The following SP4 variants were observed in gnomAD, a reference collection of about 807,000 sequenced individuals.
SP4 encodes transcription factor Sp4.
SP4 carries 19 observed loss-of-function variants against 72.8 expected under a neutral mutation model. The ratio of observed to expected loss-of-function variants is 0.26; its 90% confidence interval spans 0.18 to 0.38. SP4 has a LOEUF of 0.38. Among genes scored for constraint, SP4 ranks in the 10% least tolerant of loss-of-function variants. The pLI, the probability that SP4 is intolerant of heterozygous loss-of-function variation, is 1.00. For synonymous variants in SP4, 395 were observed against 333.1 expected (o/e 1.19, Z -2.02); for missense variants, 1,008 against 926.3 (o/e 1.09, Z -1.14).
intron 3 of SP4, among the ~76,000 whole-genome samples, chr7:21,432,908 C>T (rs886205247): frequency 5.9e-5 from 9 of 152,128 alleles, no homozygotes; most frequent in Non-Finnish European, 1.0e-4. Context: ...GTAGGAGGAT[C>T]GCTTGTACCC....
At chr7:21,461,453 C>A (rs1016865680) in intron 3 of SP4, among the ~76,000 whole-genome samples, 13 of 152,166 alleles carry the variant, frequency 8.5e-5, no homozygotes, top group Admixed American at 4.6e-4. Flanking sequence ...GGGGACCCGG[C>A]GCATCCTCCG....
chr7:21,481,081 A>G (rs1784671995), intron 4 of SP4, among the ~76,000 whole-genome samples: 1 of 152,124 alleles, frequency 6.6e-6, no homozygotes, highest in Middle Eastern at 3.2e-3. Context: ...GACTTTATGA[A>G]CTATGAATGG....
intron 5 of SP4, among the ~76,000 whole-genome samples, chr7:21,495,952 A>C (rs1013711866): frequency 3.3e-5 from 5 of 152,234 alleles, no homozygotes; most frequent in African/African-American, 9.6e-5. Context: ...AGCCACATGG[A>C]TGAAACTCAG....
chr7:21,490,977 C>T (rs207467720), intron 5 of SP4, among the ~76,000 whole-genome samples: 3 of 152,196 alleles, frequency 2.0e-5, no homozygotes, highest in African/African-American at 7.2e-5. Context: ...CCTAAAGTCT[C>T]TGCAATATAA....
At chr7:21,491,277 G>A (rs141058163) in intron 5 of SP4, among the ~76,000 whole-genome samples, 1,896 of 152,218 alleles carry the variant, frequency 0.012, 47 homozygotes, top group African/African-American at 0.043. Context: ...TTAAAAGTAA[G>A]TTTATCAGAT....
chr7:21,510,862 G>C (rs925085210), intron 5 of SP4, among the ~76,000 whole-genome samples, 160 bp from the exon 6 acceptor site: 1 of 152,132 alleles, frequency 6.6e-6, no homozygotes. Flanking sequence ...CTTTCTCTTT[G>C]CATTGTGTAT....
At chr7:21,445,980 TTATGTG>T (rs59047539) in intron 3 of SP4, among the ~76,000 whole-genome samples, 347 of 124,386 alleles carry the variant, frequency 2.8e-3, no homozygotes, top group African/African-American at 0.01. Flanking sequence ...TTTGTGTATC[TTATGTG>T]TATGTGTGTG....
At chr7:21,466,638 G>T (rs10235984) in intron 3 of SP4, among the ~76,000 whole-genome samples, 21,806 of 152,010 alleles carry the variant, frequency 0.14, 3,348 homozygotes, top group East Asian at 0.62. Flanking sequence ...TTGGCTAATG[G>T]GGTTCACCTT....
At chr7:21,445,982 A>ATGTG (rs1270918244) in intron 3 of SP4, among the ~76,000 whole-genome samples, 6 of 100,928 alleles carry the variant, frequency 5.9e-5, no homozygotes, top group Admixed American at 3.4e-4. Flanking sequence ...TGTGTATCTT[A>ATGTG]TGTGTATGTG....
Position 21,472,818 on chromosome 7 carries a change from CAG to C in SP4, c.1679-4257_1679-4256del, listed in dbSNP as rs1255759702. 4.0e-5 allele frequency among the ~76,000 whole-genome samples: 6 copies of C among 151,200 alleles called. No individual in the cohort carries two copies. In the East Asian group the frequency reaches 5.8e-4, roughly 15 times the overall value. Reference sequence around the variant, plus strand: ...AAGCAACCAAACAAAAAGGAGCTAACAGAGAAGAAGGGGTTTCTGAAATGTAG... The same window carrying C: ...AAGCAACCAAACAAAAAGGAGCTAACAGAAGAAGGGGTTTCTGAAATGTAG... On this transcript the variant is annotated intron_variant, in intron 3 of 5. Transcript: ENST00000222584.
At chr7:21,469,237 G>A (rs1393439960) in intron 3 of SP4, among the ~76,000 whole-genome samples, 9 of 149,954 alleles carry the variant, frequency 6.0e-5, no homozygotes, top group African/African-American at 2.2e-4. Context: ...AAGTAAAAGA[G>A]GATAATACAG....
chr7:21,443,413 G>T (rs2128395469), intron 3 of SP4, among the ~76,000 whole-genome samples: 1 of 152,296 alleles, frequency 6.6e-6, no homozygotes, highest in South Asian at 2.1e-4. Flanking sequence ...GACAGTTGAA[G>T]GTAAGAATCT....
chr7:21,495,198 G>A (rs114378043), intron 5 of SP4, among the ~76,000 whole-genome samples: 1,713 of 152,182 alleles, frequency 0.011, 12 homozygotes, highest in Middle Eastern at 0.017. Context: ...ACACAACTCC[G>A]AAAGTGTAAT....
At chr7:21,445,554 CAG>C (rs1783393471) in intron 3 of SP4, among the ~76,000 whole-genome samples, 1 of 152,112 alleles carries the variant, frequency 6.6e-6, no homozygotes. Context: ...GGAAACAAAA[CAG>C]ACATGTTCTT....
intron 5 of SP4, among the ~76,000 whole-genome samples, chr7:21,496,092 A>C (rs987309878): frequency 3.9e-5 from 6 of 152,174 alleles, no homozygotes; most frequent in Admixed American, 3.3e-4. Context: ...GGGCATAAGC[A>C]AGGAGGAGGG....
At position 21,429,853 on chromosome 7, in the gene SP4, C is replaced by A. The variant is rs753859569; in HGVS notation, c.688C>A (p.Pro230Thr). 6.2e-7 allele frequency: 1 copy of A among 1,614,176 alleles called. No homozygotes were observed. Reference protein sequence around the residue: ...LAQNLANQTVPVQIRPGVSIP... With the variant: ...LAQNLANQTVTVQIRPGVSIP... ...TCAAAACCTGGCAAATCAGACAGTT[C>A]CGGTCCAAATTAGACCTGGTGTTTC... Residue 230 changes from proline to threonine, a missense_variant, in exon 3 of 6, where the codon CCG (proline) becomes ACG (threonine). Pro to Thr is a conservative substitution (Grantham distance 38). Coordinates refer to ENST00000222584, the MANE Select transcript of SP4 (RefSeq NM_003112.5).
intron 3 of SP4, among the ~76,000 whole-genome samples, chr7:21,450,217 T>G (rs1783547470): frequency 6.6e-6 from 1 of 152,162 alleles, no homozygotes; most frequent in South Asian, 2.1e-4. Flanking sequence ...GATTTCTGTT[T>G]TTATGGTAAA....
At chr7:21,466,537 G>T (rs866986944) in intron 3 of SP4, among the ~76,000 whole-genome samples, 1 of 152,066 alleles carries the variant, frequency 6.6e-6, no homozygotes. Flanking sequence ...TTCTACTTTC[G>T]GCTCTACTAA....
intron 3 of SP4, chr7:21,471,198 G>A: frequency 1.9e-6 from 1 of 517,924 alleles, no homozygotes; most frequent in Non-Finnish European, 4.0e-6. Flanking sequence ...AGAACTTTAT[G>A]TACTATGCTA....
Sources: allele counts gnomAD v4.1 joint callset (sites outside exome capture counted in the v4.1 genomes callset), GRCh38; gene constraint gnomAD v4.1.1; transcripts MANE v1.5; gene names NCBI Gene and HGNC (gene_info 2026-07-23, HGNC 2026-07-21).